The following LRRC37A2 variants were observed in gnomAD, a reference collection of about 807,000 sequenced individuals.
The protein encoded by LRRC37A2 is leucine-rich repeat-containing protein 37A2.
Under a neutral mutation model 68.8 loss-of-function variants are expected in LRRC37A2, and 9 were observed. The observed-to-expected ratio is 0.13, with a 90% confidence interval of 0.08 to 0.23. LRRC37A2 has a LOEUF of 0.23. Ranked by LOEUF, LRRC37A2 falls within the 10% of genes least tolerant of loss-of-function variation. LRRC37A2 has a pLI of 1.00. For missense variants in LRRC37A2, 168 were observed against 950.4 expected, an observed-to-expected ratio of 0.18 and a Z score of 10.82; for synonymous variants, 63 against 367.6, an observed-to-expected ratio of 0.17 and a Z score of 9.48.
At chr17:46,709,467 A>G in the LRRC37A2 span, among the ~76,000 whole-genome samples, 1 of 152,078 alleles carries the variant, frequency 6.6e-6, no homozygotes, top group Non-Finnish European at 1.5e-5. Flanking sequence ...ATAACTGGAA[A>G]AATTAAAGAC....
the LRRC37A2 span, chr17:46,936,675 G>A: frequency 1.0e-6 from 1 of 985,106 alleles, no homozygotes. Context: ...ATTTTCAAGT[G>A]ATTTAGAAGG....
chr17:46,824,807 T>C, the LRRC37A2 span, among the ~76,000 whole-genome samples: 1 of 152,130 alleles, frequency 6.6e-6, no homozygotes, highest in East Asian at 1.9e-4. Flanking sequence ...GGGTCCTCAG[T>C]GCCCCTATCT....
chr17:46,834,993 TCTC>T, the LRRC37A2 span, among the ~76,000 whole-genome samples: 3,647 of 152,066 alleles, frequency 0.024, 123 homozygotes, highest in African/African-American at 0.079. Flanking sequence ...TCCTTCTCCT[TCTC>T]CTTCTTCTTC....
At chr17:46,717,228 G>A in the LRRC37A2 span, among the ~76,000 whole-genome samples, 1 of 152,218 alleles carries the variant, frequency 6.6e-6, no homozygotes, top group Non-Finnish European at 1.5e-5. Context: ...CTCATGTTAA[G>A]TGAAAGAAGC....
At chr17:46,923,180 C>G in the LRRC37A2 span, 3 of 1,530,752 alleles carry the variant, frequency 2.0e-6, no homozygotes, top group Admixed American at 3.9e-5. Context: ...CCGTGGCCTG[C>G]GGGGCCGGCG....
At chr17:47,020,456 T>G in the LRRC37A2 span, among the ~76,000 whole-genome samples, 5 of 150,510 alleles carry the variant, frequency 3.3e-5, no homozygotes, top group Non-Finnish European at 7.4e-5. Flanking sequence ...CAGGGCCAAG[T>G]ATGCTACTGT....
At chr17:46,931,589 C>A in the LRRC37A2 span, 1 of 314,214 alleles carries the variant, frequency 3.2e-6, no homozygotes, top group Non-Finnish European at 5.9e-6. Flanking sequence ...TCAGTCCACC[C>A]ATAATGAAAT....
chr17:46,806,924 G>T, the LRRC37A2 span, among the ~76,000 whole-genome samples: 1 of 152,198 alleles, frequency 6.6e-6, no homozygotes, highest in East Asian at 1.9e-4. Context: ...GAGAGGGTGG[G>T]TGCTACCTGG....
the LRRC37A2 span, among the ~76,000 whole-genome samples, chr17:46,974,142 C>G: frequency 1.3e-5 from 2 of 152,246 alleles, no homozygotes; most frequent in African/African-American, 4.8e-5. Context: ...CTATCCCCGA[C>G]TCAGAGGACA....
the LRRC37A2 span, chr17:46,966,588 A>G: frequency 4.3e-6 from 3 of 690,416 alleles, no homozygotes; most frequent in Non-Finnish European, 7.9e-6. Context: ...AGCTCAAGAG[A>G]TCCTCCTGCA....
the LRRC37A2 span, among the ~76,000 whole-genome samples, chr17:46,810,575 T>C: frequency 6.6e-6 from 1 of 152,226 alleles, no homozygotes; most frequent in Non-Finnish European, 1.5e-5. Flanking sequence ...ATCATCCAAT[T>C]TGCAGATGAG....
chr17:47,017,791 G>A, the LRRC37A2 span: 72 of 1,609,904 alleles, frequency 4.5e-5, no homozygotes, highest in African/African-American at 5.6e-4. Context: ...CCAGAACTCC[G>A]GGTGAAGTCA....
At chr17:46,738,612 G>A in the LRRC37A2 span, among the ~76,000 whole-genome samples, 23 of 152,256 alleles carry the variant, frequency 1.5e-4, no homozygotes, top group African/African-American at 5.1e-4. Flanking sequence ...AGGTAGATAC[G>A]GTGTGCCCTG....
the LRRC37A2 span, among the ~76,000 whole-genome samples, chr17:46,907,390 T>A: frequency 6.6e-6 from 1 of 151,634 alleles, no homozygotes; most frequent in South Asian, 2.1e-4. Flanking sequence ...TCGGGGCACC[T>A]GGGGCCAGCT....
the LRRC37A2 span, among the ~76,000 whole-genome samples, chr17:46,774,360 G>A: frequency 2.1e-3 from 319 of 152,294 alleles, 2 homozygotes; most frequent in African/African-American, 6.4e-3. Flanking sequence ...ACGCGCGCGC[G>A]CGCACACACA....
the LRRC37A2 span, among the ~76,000 whole-genome samples, chr17:47,002,567 T>C: frequency 6.6e-6 from 1 of 151,984 alleles, no homozygotes; most frequent in South Asian, 2.1e-4. Context: ...ATTTTGTATT[T>C]TTAGTAGAGA....
At chr17:46,708,814 ATATATATATTTTT>A in the LRRC37A2 span, among the ~76,000 whole-genome samples, 1 of 98,128 alleles carries the variant, frequency 1.0e-5, no homozygotes, top group Non-Finnish European at 1.9e-5. Flanking sequence ...TTATATATAT[ATATATATATTTTT>A]TTTTTTTTTT....
At chr17:46,720,889 G>A in the LRRC37A2 span, among the ~76,000 whole-genome samples, 1 of 152,200 alleles carries the variant, frequency 6.6e-6, no homozygotes, top group Admixed American at 6.5e-5. Flanking sequence ...GCTTGTTGTG[G>A]CTTGTGATCC....
chr17:46,878,412 G>A, the LRRC37A2 span, among the ~76,000 whole-genome samples: 1 of 152,262 alleles, frequency 6.6e-6, no homozygotes, highest in African/African-American at 2.4e-5. Flanking sequence ...CCAGTCTCCA[G>A]TGGATCAGGG....
Sources: gnomAD v4.1 joint callset for allele counts (sites outside exome capture counted in the v4.1 genomes callset) on GRCh38, gnomAD v4.1.1 for gene constraint, MANE v1.5 for transcripts, NCBI Gene and HGNC (gene_info 2026-07-23, HGNC 2026-07-21) for gene names.